The following LYPD6B variants were observed in gnomAD, a reference collection of about 807,000 sequenced individuals.
LYPD6B encodes ly6/PLAUR domain-containing protein 6B.
In LYPD6B, 17 loss-of-function variants were observed where a neutral mutation model predicts 22.8. The observed-to-expected ratio is 0.75, with a 90% CI of 0.51 to 1.12. The LOEUF is 1.12. Among genes scored for constraint, LYPD6B ranks in the 50% most tolerant of loss-of-function variants. The pLI, the probability that LYPD6B is intolerant of heterozygous loss-of-function variation, is 0.00. For missense variants in LYPD6B, 221 were observed against 258.3 expected, an observed-to-expected ratio of 0.86 and a Z score of 0.99; for synonymous variants, 106 against 91.6, an observed-to-expected ratio of 1.16 and a Z score of -0.90.
chr2:149,101,780 T>G (rs16826560), intron 1 of LYPD6B, among the ~76,000 whole-genome samples: 2,444 of 152,326 alleles, frequency 0.016, 37 homozygotes, highest in African/African-American at 0.035. Flanking sequence ...TTATGTGAAC[T>G]CTGAATGCAT....
intron 4 of LYPD6B, among the ~76,000 whole-genome samples, chr2:149,206,610 A>G (rs2106151222): frequency 6.6e-6 from 1 of 152,304 alleles, no homozygotes; most frequent in South Asian, 2.1e-4. Context: ...TAAAAAAGAC[A>G]AAAAAGTAAT....
intron 2 of LYPD6B, among the ~76,000 whole-genome samples, chr2:149,135,844 A>C (rs1688336760): frequency 6.6e-6 from 1 of 152,174 alleles, no homozygotes; most frequent in African/African-American, 2.4e-5. Context: ...TTTATTAAGA[A>C]CCAGAGCTGA....
chr2:149,213,192 A>G, intron 6 of LYPD6B, 70 bp downstream of exon 6: 1 of 1,575,722 alleles, frequency 6.3e-7, no homozygotes. Context: ...ATCAAAGGAG[A>G]GGCAGGAAGG....
chr2:149,079,930 C>A (rs1276741678), intron 1 of LYPD6B, among the ~76,000 whole-genome samples: 1 of 152,158 alleles, frequency 6.6e-6, no homozygotes, highest in Non-Finnish European at 1.5e-5. Flanking sequence ...AACTGGGTGG[C>A]TTTGTGATCT....
At chr2:149,048,711 A>G (rs1296781834) in intron 1 of LYPD6B, among the ~76,000 whole-genome samples, 2 of 152,176 alleles carry the variant, frequency 1.3e-5, no homozygotes, top group African/African-American at 4.8e-5. Context: ...TTTTGTAAGC[A>G]TGGTAATAAT....
intron 4 of LYPD6B, among the ~76,000 whole-genome samples, chr2:149,206,386 A>C (rs1221325473): frequency 6.6e-6 from 1 of 152,084 alleles, no homozygotes; most frequent in African/African-American, 2.4e-5. Flanking sequence ...GTGTGTGTGC[A>C]TATATACACA....
intron 3 of LYPD6B, among the ~76,000 whole-genome samples, chr2:149,183,577 T>C (rs142658744): frequency 1.8e-4 from 27 of 152,286 alleles, no homozygotes; most frequent in African/African-American, 6.3e-4. Flanking sequence ...CCTTACCTAC[T>C]ATAAGCTACA....
chr2:149,192,181 G>T (rs1267765898), intron 3 of LYPD6B, among the ~76,000 whole-genome samples: 1 of 152,154 alleles, frequency 6.6e-6, no homozygotes, highest in African/African-American at 2.4e-5. Flanking sequence ...TGCCTCTGAA[G>T]ACGTTAGAGT....
chr2:149,102,014 G>A (rs543319799), intron 1 of LYPD6B, among the ~76,000 whole-genome samples: 1 of 152,282 alleles, frequency 6.6e-6, no homozygotes, highest in South Asian at 2.1e-4. Context: ...AGACATACCA[G>A]CCACAAAGAG....
intron 2 of LYPD6B, among the ~76,000 whole-genome samples, chr2:149,144,772 G>T (rs1263182005): frequency 6.6e-6 from 1 of 152,162 alleles, no homozygotes; most frequent in Non-Finnish European, 1.5e-5. Flanking sequence ...GGAAATCAGA[G>T]AAGTCACCCC....
chr2:149,167,777 T>G (rs768091584), intron 3 of LYPD6B, among the ~76,000 whole-genome samples: 1 of 152,210 alleles, frequency 6.6e-6, no homozygotes, highest in African/African-American at 2.4e-5. Context: ...TTGTTGGTTT[T>G]ATGACCAGTG....
rs923472836 is a variant in LYPD6B at position 149,141,450 on chromosome 2, A to G, written c.5+10497A>G. Among the ~76,000 whole-genome samples, 5 of 152,272 alleles carry G rather than the reference A, an allele frequency of 3.3e-5. No individual in the cohort carries two copies. The East Asian group carries it at 9.6e-4, about 29-fold the overall frequency. ...CTGTTATTCTGGAAATGTCGTTAGG[A>G]ATTACATAGCAATGAATCAGATTTG... is the stretch of plus-strand genomic sequence containing the variant. On this transcript the variant is annotated intron_variant, in intron 2 of 6. Transcript: ENST00000409642.
intron 1 of LYPD6B, among the ~76,000 whole-genome samples, chr2:149,103,715 G>A (rs1455622909): frequency 1.4e-5 from 2 of 147,378 alleles, no homozygotes; most frequent in Non-Finnish European, 3.0e-5. Flanking sequence ...TTTGCATTTT[G>A]TCTGGCTTCT....
At chr2:149,107,097 A>G (rs1201846521) in intron 1 of LYPD6B, among the ~76,000 whole-genome samples, 1 of 152,220 alleles carries the variant, frequency 6.6e-6, no homozygotes, top group Non-Finnish European at 1.5e-5. Context: ...AACAATTATA[A>G]GAATATACTA....
chr2:149,078,957 T>C (rs1684997886), intron 1 of LYPD6B, among the ~76,000 whole-genome samples: 1 of 151,274 alleles, frequency 6.6e-6, no homozygotes, highest in Non-Finnish European at 1.5e-5. Flanking sequence ...CAGTGAGCTA[T>C]GATCATGCCA....
chr2:149,185,631 G>A (rs909223832), intron 3 of LYPD6B, among the ~76,000 whole-genome samples: 3 of 152,136 alleles, frequency 2.0e-5, no homozygotes, highest in Admixed American at 6.5e-5. Flanking sequence ...AGGCTGATTT[G>A]GAAAATACAG....
At chr2:149,041,098 CAAAAAAAAAAAA>C (rs552623435) in intron 1 of LYPD6B, among the ~76,000 whole-genome samples, 1 of 110,794 alleles carries the variant, frequency 9.0e-6, no homozygotes, top group Non-Finnish European at 1.8e-5. Context: ...GACTCCGTCT[CAAAAAAAAAAAA>C]AAAAAAAAGA....
intron 1 of LYPD6B, among the ~76,000 whole-genome samples, chr2:149,053,687 G>T (rs1683665081): frequency 6.6e-6 from 1 of 152,060 alleles, no homozygotes; most frequent in Non-Finnish European, 1.5e-5. Flanking sequence ...ATTCCAGGAG[G>T]GTTTTATCAC....
chr2:149,156,676 C>T (rs1177492663), intron 2 of LYPD6B, among the ~76,000 whole-genome samples: 1 of 152,072 alleles, frequency 6.6e-6, no homozygotes, highest in Non-Finnish European at 1.5e-5. Context: ...GGATTAGGGC[C>T]TACCCATATG....
Sources: allele counts gnomAD v4.1 joint callset (sites outside exome capture counted in the v4.1 genomes callset), GRCh38; gene constraint gnomAD v4.1.1; transcripts MANE v1.5; gene names NCBI Gene and HGNC (gene_info 2026-07-23, HGNC 2026-07-21).